GRIK1: variants seen among roughly 807,000 people sequenced by gnomAD.
GRIK1 encodes the protein glutamate ionotropic receptor kainate type subunit 1, also known as glutamate receptor ionotropic, kainate 1.
A neutral mutation model predicts 105.7 loss-of-function variants in GRIK1; 69 were observed. The observed-to-expected ratio is 0.65, with a 90% CI of 0.54 to 0.80. The LOEUF is 0.80. GRIK1 is among the 30% of genes least tolerant of loss of function. The probability of loss-of-function intolerance (pLI) is 0.00; values close to 1 mark genes in which losing one functional copy is unlikely to be tolerated. For synonymous variants in GRIK1, 438 were observed against 431.3 expected (o/e 1.02, Z -0.19); for missense variants, 1,109 against 1,167.3 (o/e 0.95, Z 0.73).
intron 2 of GRIK1, among the ~76,000 whole-genome samples, chr21:29,692,035 G>A (rs1046905996): frequency 4.6e-5 from 7 of 152,216 alleles, no homozygotes; most frequent in African/African-American, 1.7e-4. Context: ...ACTCCAGCAT[G>A]TGGAGCTGGA....
intron 1 of GRIK1, among the ~76,000 whole-genome samples, chr21:29,924,334 CAAA>C (rs1226055845): frequency 3.8e-5 from 3 of 79,886 alleles, no homozygotes; most frequent in Non-Finnish European, 5.4e-5. Flanking sequence ...GAGACTGGCT[CAAA>C]AAAAAAAAAA....
chr21:29,751,179 G>T (rs979881805), intron 1 of GRIK1, among the ~76,000 whole-genome samples: 1 of 152,178 alleles, frequency 6.6e-6, no homozygotes, highest in Non-Finnish European at 1.5e-5. Context: ...GGATGTATAC[G>T]TGCAGGTCAC....
intron 1 of GRIK1, among the ~76,000 whole-genome samples, chr21:29,845,181 C>CT (rs887561918): frequency 1.3e-5 from 2 of 151,300 alleles, no homozygotes; most frequent in East Asian, 1.9e-4. Flanking sequence ...TTAGGAAACA[C>CT]TTTTTTTTTC....
intron 12 of GRIK1, among the ~76,000 whole-genome samples, chr21:29,584,093 T>TTGGGTTATGTTTGGGTTTA (rs1336787824): frequency 1.3e-5 from 2 of 152,192 alleles, no homozygotes; most frequent in Non-Finnish European, 2.9e-5. Context: ...GGGTTTATGT[T>TTGGGTTATGTTTGGGTTTA]TGTTTCTGCC....
At chr21:29,687,221 G>T (rs2063502010) in intron 3 of GRIK1, among the ~76,000 whole-genome samples, 1 of 152,162 alleles carries the variant, frequency 6.6e-6, no homozygotes, top group South Asian at 2.1e-4. Flanking sequence ...TTGGCTTCAG[G>T]CTATTTAACA....
At chr21:29,693,579 G>A (rs1006552276) in intron 2 of GRIK1, among the ~76,000 whole-genome samples, 6 of 152,084 alleles carry the variant, frequency 3.9e-5, no homozygotes, top group African/African-American at 1.4e-4. Flanking sequence ...TGCACCGCAC[G>A]ATTTCATGGT....
Position 29,588,892 on chromosome 21 carries a change from C to A in GRIK1, c.1516G>T (p.Ala506Ser). Residue 506 changes from alanine to serine, a missense_variant, in exon 11 of 18, where the codon GCC becomes TCC. Ala to Ser is a moderately conservative substitution (Grantham distance 99). This residue lies in a region of GRIK1 where 54 missense variants were observed against 88.1 expected (regional missense o/e 0.61). Coordinates refer to ENST00000327783, the MANE Select transcript of GRIK1 (RefSeq NM_001330994.2). ...VKLVPDGKYG[A>S]QNDKGEWNGM... is the part of the protein sequence containing the mutation. ...TTCCACTCCCCTTTGTCATTCTGGG[C>A]CCCATATTTGCCATCGGGAACTAGT... 6 of 1,610,460 alleles carry A rather than the reference C, an allele frequency of 3.7e-6. No homozygotes were observed. Among genetic ancestry groups the A allele is most frequent in the South Asian group, 1.1e-5 (1 of 91,000 alleles).
intron 1 of GRIK1, among the ~76,000 whole-genome samples, chr21:29,774,537 C>T (rs1012435627): frequency 2.0e-5 from 3 of 150,708 alleles, no homozygotes; most frequent in Non-Finnish European, 3.0e-5. Context: ...CTGCAACCTC[C>T]ACCTCCCAGG....
chr21:29,659,682 C>T (rs955783217), intron 4 of GRIK1, among the ~76,000 whole-genome samples: 1 of 152,154 alleles, frequency 6.6e-6, no homozygotes, highest in African/African-American at 2.4e-5. Flanking sequence ...CAATGCCGGC[C>T]AGGCGCGGTG....
chr21:29,919,559 A>G (rs2071122293), intron 1 of GRIK1, among the ~76,000 whole-genome samples: 1 of 152,158 alleles, frequency 6.6e-6, no homozygotes. Flanking sequence ...AAACATATTC[A>G]AGGCTTTCTT....
chr21:29,865,499 G>A (rs2068773471), intron 1 of GRIK1, among the ~76,000 whole-genome samples: 1 of 151,648 alleles, frequency 6.6e-6, no homozygotes, highest in Non-Finnish European at 1.5e-5. Context: ...TTCTATCACA[G>A]TAAACACAAT....
intron 1 of GRIK1, among the ~76,000 whole-genome samples, chr21:29,892,037 A>G (rs1451791848): frequency 6.6e-6 from 1 of 152,208 alleles, no homozygotes; most frequent in Non-Finnish European, 1.5e-5. Context: ...TGCATTAATA[A>G]TATTTCCATC....
At chr21:29,938,419 G>A (rs1275720315) in intron 1 of GRIK1, among the ~76,000 whole-genome samples, 1 of 152,218 alleles carries the variant, frequency 6.6e-6, no homozygotes, top group East Asian at 1.9e-4. Flanking sequence ...GAGATTCAGC[G>A]AACAATAACT....
chr21:29,708,911 T>C (rs1601504039), intron 1 of GRIK1, among the ~76,000 whole-genome samples: 1 of 152,366 alleles, frequency 6.6e-6, no homozygotes, highest in African/African-American at 2.4e-5. Context: ...TTGATAAATA[T>C]AATTGCTATT....
At chr21:29,828,198 G>A (rs426626) in intron 1 of GRIK1, among the ~76,000 whole-genome samples, 2,798 of 152,018 alleles carry the variant, frequency 0.018, 41 homozygotes, top group Middle Eastern at 0.051. Flanking sequence ...CTATTGGTCA[G>A]GGAGGCTGCC....
intron 14 of GRIK1, among the ~76,000 whole-genome samples, chr21:29,564,967 C>A (rs1421052570): frequency 6.6e-6 from 1 of 152,164 alleles, no homozygotes; most frequent in Admixed American, 6.5e-5. Flanking sequence ...GATTTAAATT[C>A]AACAACATCC....
chr21:29,598,276 A>G (rs925146007), intron 8 of GRIK1, among the ~76,000 whole-genome samples: 9 of 152,254 alleles, frequency 5.9e-5, no homozygotes, highest in Non-Finnish European at 1.3e-4. Flanking sequence ...AATTACAACT[A>G]AAATAATCCT....
intron 1 of GRIK1, among the ~76,000 whole-genome samples, chr21:29,846,470 A>AAAGT (rs2068125861): frequency 2.0e-5 from 1 of 49,110 alleles, no homozygotes; most frequent in African/African-American, 3.9e-5. Context: ...AGAGAGAAAG[A>AAAGT]AAGAAAGAAA....
chr21:29,821,243 G>A (rs1227505485), intron 1 of GRIK1, among the ~76,000 whole-genome samples: 4 of 151,930 alleles, frequency 2.6e-5, no homozygotes, highest in African/African-American at 4.8e-5. Flanking sequence ...AAAACCATGA[G>A]AAAAATACAT....
Sources: allele counts gnomAD v4.1 joint callset (sites outside exome capture counted in the v4.1 genomes callset), GRCh38; gene constraint gnomAD v4.1.1; regional missense constraint gnomAD v4.1.1; transcripts MANE v1.5; gene names NCBI Gene and HGNC (gene_info 2026-07-23, HGNC 2026-07-21).